DOCK1: variants seen among roughly 807,000 people sequenced by gnomAD.
DOCK1 encodes dedicator of cytokinesis protein 1.
A neutral mutation model predicts 262.7 loss-of-function variants in DOCK1; 138 were observed. The ratio of observed to expected loss-of-function variants is 0.53; its 90% CI spans 0.46 to 0.61. DOCK1 has a LOEUF of 0.61. DOCK1 is among the 20% of genes least tolerant of loss of function. DOCK1 has a pLI of 0.00. For missense variants in DOCK1, 1,908 were observed against 2,370.7 expected, an observed-to-expected ratio of 0.80 and a Z score of 4.05; for synonymous variants, 866 against 867.4, an observed-to-expected ratio of 1.00 and a Z score of 0.03.
chr10:127,289,248 CTT>C (rs1415607608), intron 29 of DOCK1, among the ~76,000 whole-genome samples: 1 of 152,140 alleles, frequency 6.6e-6, no homozygotes, highest in Non-Finnish European at 1.5e-5. Context: ...TTAAATCTAA[CTT>C]TGTATTCTGG....
intron 27 of DOCK1, chr10:127,136,652 A>G (rs939423116): frequency 2.6e-5 from 4 of 152,686 alleles, no homozygotes; most frequent in African/African-American, 7.2e-5. Context: ...TGCAATGTGT[A>G]ATCAAGAGAG....
intron 1 of DOCK1, among the ~76,000 whole-genome samples, chr10:126,915,376 AC>A (rs1283653549): frequency 6.8e-6 from 1 of 146,756 alleles, no homozygotes; most frequent in Non-Finnish European, 1.5e-5. Flanking sequence ...TTCAGGGTAT[AC>A]CAAGCCCGAG....
At chr10:127,207,758 A>T (rs2057789762) in intron 27 of DOCK1, among the ~76,000 whole-genome samples, 3 of 152,240 alleles carry the variant, frequency 2.0e-5, no homozygotes, top group South Asian at 4.1e-4. Context: ...GCAGGGAAGC[A>T]GCTGTAGAGA....
At chr10:127,434,300 A>T (rs2069510279) in intron 48 of DOCK1, among the ~76,000 whole-genome samples, 2 of 152,084 alleles carry the variant, frequency 1.3e-5, no homozygotes, top group African/African-American at 2.4e-5. Flanking sequence ...ACTTTTTAGG[A>T]CAACTCTGGA....
At chr10:127,353,425 C>T (rs912205442) in intron 31 of DOCK1, among the ~76,000 whole-genome samples, 3 of 152,164 alleles carry the variant, frequency 2.0e-5, no homozygotes, top group East Asian at 1.9e-4. Context: ...TTATGCAGGG[C>T]GCTTTCCTCT....
intron 1 of DOCK1, among the ~76,000 whole-genome samples, chr10:126,927,422 A>G (rs995608891): frequency 6.6e-6 from 1 of 151,926 alleles, no homozygotes; most frequent in African/African-American, 2.4e-5. Context: ...TCCAAAGAGG[A>G]TGTCCGTGAG....
intron 29 of DOCK1, among the ~76,000 whole-genome samples, chr10:127,283,073 A>G (rs1590263015): frequency 2.6e-5 from 4 of 152,216 alleles, no homozygotes; most frequent in Non-Finnish European, 4.4e-5. Flanking sequence ...TGGCGCCAAC[A>G]AGGAGCGTTA....
chr10:127,213,709 C>T (rs751624019), intron 27 of DOCK1, among the ~76,000 whole-genome samples: 14 of 152,324 alleles, frequency 9.2e-5, no homozygotes, highest in South Asian at 2.1e-4. Context: ...GTTAGGCTGC[C>T]GTGGCCAGCG....
At chr10:127,107,844 A>T (rs1003077849) in intron 24 of DOCK1, among the ~76,000 whole-genome samples, 5 of 152,240 alleles carry the variant, frequency 3.3e-5, no homozygotes, top group African/African-American at 1.2e-4. Flanking sequence ...GCCATACTCT[A>T]GGCCTGTCTC....
At chr10:126,911,497 C>T (rs373762407) in intron 1 of DOCK1, among the ~76,000 whole-genome samples, 1 of 152,168 alleles carries the variant, frequency 6.6e-6, no homozygotes, top group African/African-American at 2.4e-5. Flanking sequence ...ACGGTTAACA[C>T]CAGGTGGTCG....
chr10:127,170,468 A>T (rs1228130444), intron 27 of DOCK1, among the ~76,000 whole-genome samples: 1 of 152,216 alleles, frequency 6.6e-6, no homozygotes, highest in African/African-American at 2.4e-5. Context: ...AAAGCTTCTC[A>T]CGATCATTTC....
chr10:127,031,619 A>G (rs797010939), intron 16 of DOCK1, 31 bp from the exon 17 acceptor site: 3 of 1,515,732 alleles, frequency 2.0e-6, no homozygotes, highest in Non-Finnish European at 1.8e-6. Flanking sequence ...ATTGAAAGCA[A>G]TCATCAATTT....
At position 127,425,990 on chromosome 10, in the gene DOCK1, A is replaced by G. The variant is rs142475286; in HGVS notation, c.4893A>G (p.Lys1631=). 5.5e-5 allele frequency: 88 copies of G among 1,614,036 alleles called. No individual in the cohort carries two copies. In the East Asian group the frequency reaches 1.9e-3, roughly 35 times the overall value. Residue 1631 remains lysine, a synonymous_variant, in exon 47 of 52, where the codon AAA becomes AAG. Coordinates refer to ENST00000623213, the MANE Select transcript of DOCK1 (RefSeq NM_001290223.2). ...AACAGCTGAAGGAAAAGGTGGAGAA[A>G]GAGTACGGCGTCCGAATCATGGTAA... ...CFKQLKEKVE[K]EYGVRIMPSS...
intron 27 of DOCK1, among the ~76,000 whole-genome samples, chr10:127,221,778 CT>C (rs1373461024): frequency 2.6e-5 from 4 of 152,166 alleles, no homozygotes; most frequent in Non-Finnish European, 5.9e-5. Context: ...TTGAAATGAG[CT>C]CTTGTATGAA....
Position 127,100,824 on chromosome 10 carries a change from G to A in DOCK1, c.2446-5407G>A, listed in dbSNP as rs1295168829. 6.6e-6 allele frequency among the ~76,000 whole-genome samples: 1 copy of A among 152,098 alleles called. No homozygotes were observed. ...CTTGGCAGGAACAGAGCTGTGGTGC[G>A]GGCCGGAGTCAGGCTGCAGTGGGAG... On this transcript the variant is annotated intron_variant, in intron 23 of 51. Coordinates refer to ENST00000623213, the MANE Select transcript of DOCK1 (RefSeq NM_001290223.2). This position sits in a 1 kb window ranked among gnomAD's most constrained non-coding sequence, Gnocchi z 5.5.
chr10:127,212,038 CT>C (rs537448773), intron 27 of DOCK1, among the ~76,000 whole-genome samples: 48 of 152,346 alleles, frequency 3.2e-4, no homozygotes, highest in African/African-American at 1.1e-3. Context: ...GGACTTGATG[CT>C]TTGGTGAATA....
At chr10:127,046,672 A>G (rs1453360011) in intron 21 of DOCK1, among the ~76,000 whole-genome samples, 1 of 150,776 alleles carries the variant, frequency 6.6e-6, no homozygotes, top group Non-Finnish European at 1.5e-5. Flanking sequence ...GAGGTAGGAG[A>G]ATCGCTTGAA....
At chr10:127,279,891 C>CTTAG (rs1356059197) in intron 29 of DOCK1, among the ~76,000 whole-genome samples, 1 of 151,790 alleles carries the variant, frequency 6.6e-6, no homozygotes, top group Non-Finnish European at 1.5e-5. Context: ...GTGGCGTTTT[C>CTTAG]TTAGTATCGC....
intron 5 of DOCK1, among the ~76,000 whole-genome samples, 187 bp from the exon 6 acceptor site, chr10:126,990,268 G>A (rs748760732): frequency 3.9e-5 from 6 of 152,100 alleles, no homozygotes; most frequent in South Asian, 4.2e-4. Context: ...TTTTAATGTC[G>A]CATGGAAACC....
Sources: gnomAD v4.1 joint callset for allele counts (sites outside exome capture counted in the v4.1 genomes callset) on GRCh38, gnomAD v4.1.1 for gene constraint, Gnocchi (gnomAD v3.1) non-coding constraint, MANE v1.5 for transcripts, NCBI Gene and HGNC (gene_info 2026-07-23, HGNC 2026-07-21) for gene names.